The following METTL16 variants were observed in gnomAD, a reference collection of about 807,000 sequenced individuals.
The protein encoded by METTL16 is RNA N(6)-adenosine-methyltransferase METTL16.
Under a neutral mutation model 57.9 loss-of-function variants are expected in METTL16, and 19 were observed. That is an observed-to-expected ratio of 0.33 (90% CI 0.23 to 0.48). METTL16 has a LOEUF of 0.48. Ranked by LOEUF, METTL16 falls within the 20% of genes least tolerant of loss-of-function variation. The pLI is 0.99. For synonymous variants in METTL16, 246 were observed against 255.6 expected (o/e 0.96, Z 0.36); for missense variants, 434 against 691.5 (o/e 0.63, Z 4.18).
At chr17:2,504,470 T>C (rs1202184004) in intron 1 of METTL16, among the ~76,000 whole-genome samples, 1 of 152,228 alleles carries the variant, frequency 6.6e-6, no homozygotes, top group Non-Finnish European at 1.5e-5. Flanking sequence ...AGTATTCCTT[T>C]AAGAGCATCA....
intron 6 of METTL16, among the ~76,000 whole-genome samples, chr17:2,448,001 C>G (rs2067024107): frequency 9.8e-6 from 1 of 102,372 alleles, no homozygotes; most frequent in Non-Finnish European, 2.0e-5. Context: ...AGGTGAGGGG[C>G]GCCTCTGCCC....
At chr17:2,465,546 C>CAAAA (rs547864019) in intron 5 of METTL16, among the ~76,000 whole-genome samples, 15 of 24,472 alleles carry the variant, frequency 6.1e-4, no homozygotes, top group Non-Finnish European at 8.8e-4. Flanking sequence ...GACTCCATCT[C>CAAAA]AAAAAAAAAA....
At position 2,417,871 on chromosome 17, in the gene METTL16, C is replaced by G. The variant is rs995482819; in HGVS notation, c.*2099G>C. On this transcript the variant is annotated 3_prime_UTR_variant, in exon 10 of 10. Transcript: ENST00000263092. ...ACAAGCAAACAATAAGTACTTACTACTTACTGAATGAATAGTTGCCACTTA... is the reference window on the plus strand; with the variant it reads ...ACAAGCAAACAATAAGTACTTACTAGTTACTGAATGAATAGTTGCCACTTA... The G allele has an allele frequency of 3.9e-5, 6 of 152,164 alleles. No individual in the cohort carries two copies. The highest frequency in any genetic ancestry group is 3.9e-4 in the Admixed American group (6 of 15,268). The allele number at this position is 152,164 out of a possible 1,614,324, so 9.4% of individuals were successfully genotyped here. A position where few individuals can be genotyped will look rare whatever the true frequency, so the allele number is the denominator to read the frequency against.
chr17:2,493,632 T>G (rs1408447425), intron 2 of METTL16, among the ~76,000 whole-genome samples: 1 of 151,702 alleles, frequency 6.6e-6, no homozygotes, highest in Non-Finnish European at 1.5e-5. Context: ...GGCACATGAA[T>G]TGCTTGAGCT....
chr17:2,470,356 C>T (rs1452636264), intron 4 of METTL16, among the ~76,000 whole-genome samples: 3 of 151,972 alleles, frequency 2.0e-5, no homozygotes, highest in Admixed American at 1.3e-4. Flanking sequence ...AATAAAAGGA[C>T]GCTTGGTTCA....
chr17:2,490,772 AT>A (rs1295598068), intron 2 of METTL16, among the ~76,000 whole-genome samples: 1 of 152,180 alleles, frequency 6.6e-6, no homozygotes, highest in Non-Finnish European at 1.5e-5. Flanking sequence ...CAAGAGAACA[AT>A]GTAATTAATG....
At chr17:2,475,894 G>A (rs912401954) in intron 3 of METTL16, among the ~76,000 whole-genome samples, 3 of 152,088 alleles carry the variant, frequency 2.0e-5, no homozygotes, top group Non-Finnish European at 4.4e-5. Context: ...GAGGGTTTGG[G>A]GCATAATTAA....
chr17:2,446,586 T>A (rs148495132), intron 6 of METTL16, among the ~76,000 whole-genome samples: 84 of 126,284 alleles, frequency 6.7e-4, no homozygotes, highest in Non-Finnish European at 1.1e-3. Flanking sequence ...ATCAAGAGCA[T>A]CCTGGCTCTC....
intron 3 of METTL16, among the ~76,000 whole-genome samples, chr17:2,475,597 C>T (rs928745279): frequency 1.3e-5 from 2 of 152,184 alleles, no homozygotes; most frequent in Non-Finnish European, 2.9e-5. Context: ...ATTCTTAAGA[C>T]CCAAAGACTT....
intron 2 of METTL16, among the ~76,000 whole-genome samples, chr17:2,498,092 G>A (rs965036164): frequency 4.0e-5 from 6 of 151,372 alleles, no homozygotes; most frequent in Non-Finnish European, 7.4e-5. Context: ...TACTCAGGAG[G>A]CTGAGGCAGG....
In METTL16 at chr17:2,425,484, G is replaced by A. The variant is rs922817094; in HGVS notation, c.889-4580C>T. On this transcript the variant is annotated intron_variant, in intron 8 of 9. Coordinates refer to ENST00000263092, the MANE Select transcript of METTL16 (RefSeq NM_024086.4). ...TGTGAGAGAAGCCTGGTGAGCAGTC[G>A]TAGGTCTGCAGAGACCACAGGTTTT... is the stretch of plus-strand genomic sequence containing the variant. Among the ~76,000 whole-genome samples, 8 of 152,170 alleles carry A rather than the reference G, an allele frequency of 5.3e-5. No individual in the cohort carries two copies. The East Asian group carries it at 7.7e-4, about 15-fold the overall frequency.
At chr17:2,509,719 C>T (rs1250047976) in intron 1 of METTL16, among the ~76,000 whole-genome samples, 1 of 152,118 alleles carries the variant, frequency 6.6e-6, no homozygotes, top group Non-Finnish European at 1.5e-5. Context: ...TGGAGACCAT[C>T]CTGGCCAACA....
At chr17:2,484,423 T>C (rs1272859287) in intron 2 of METTL16, among the ~76,000 whole-genome samples, 6 of 151,928 alleles carry the variant, frequency 3.9e-5, no homozygotes, top group African/African-American at 1.5e-4. Context: ...AGCAGCCAGT[T>C]CAATAACCAC....
At chr17:2,485,894 G>A (rs2067337750) in intron 2 of METTL16, among the ~76,000 whole-genome samples, 1 of 152,158 alleles carries the variant, frequency 6.6e-6, no homozygotes, top group East Asian at 1.9e-4. Context: ...CCCCTAATTA[G>A]TGGATCTGCC....
At chr17:2,468,466 G>A (rs1597458847) in intron 4 of METTL16, among the ~76,000 whole-genome samples, 1 of 152,294 alleles carries the variant, frequency 6.6e-6, no homozygotes, top group East Asian at 1.9e-4. Context: ...TCCTTCAGAT[G>A]ACTGTAGCTC....
At chr17:2,459,675 C>T (rs767542024) in intron 6 of METTL16, among the ~76,000 whole-genome samples, 1 of 152,128 alleles carries the variant, frequency 6.6e-6, no homozygotes, top group Non-Finnish European at 1.5e-5. Flanking sequence ...GTGAGTCACA[C>T]GGTTGTATAA....
intron 2 of METTL16, among the ~76,000 whole-genome samples, chr17:2,486,688 A>G (rs1420258291): frequency 6.6e-6 from 1 of 151,712 alleles, no homozygotes; most frequent in Non-Finnish European, 1.5e-5. Flanking sequence ...GAGGCTAGAT[A>G]AAGGCTGGGT....
At chr17:2,442,500 A>C (rs1212152538) in intron 6 of METTL16, among the ~76,000 whole-genome samples, 1 of 152,166 alleles carries the variant, frequency 6.6e-6, no homozygotes, top group Non-Finnish European at 1.5e-5. Flanking sequence ...GAAAGGAAAA[A>C]AAAAAAGATT....
intron 6 of METTL16, among the ~76,000 whole-genome samples, chr17:2,443,440 C>T (rs896095837): frequency 1.3e-5 from 2 of 151,572 alleles, no homozygotes; most frequent in African/African-American, 2.4e-5. Context: ...GGAACACTTC[C>T]CCAACTCATC....
Sources: allele counts gnomAD v4.1 joint callset (sites outside exome capture counted in the v4.1 genomes callset), GRCh38; gene constraint gnomAD v4.1.1; transcripts MANE v1.5; gene names NCBI Gene and HGNC (gene_info 2026-07-23, HGNC 2026-07-21).